The following ZC3H12C variants were observed in gnomAD, a reference collection of about 807,000 sequenced individuals.
ZC3H12C encodes the protein zinc finger CCCH-type containing 12C, also known as probable ribonuclease ZC3H12C.
Under a neutral mutation model 76.3 loss-of-function variants are expected in ZC3H12C, and 20 were observed. That is an observed-to-expected ratio of 0.26 (90% CI 0.18 to 0.38). ZC3H12C has a LOEUF of 0.38. Among genes scored for constraint, ZC3H12C ranks in the 10% least tolerant of loss-of-function variants. The pLI is 1.00. For missense variants in ZC3H12C, 874 were observed against 1,086.5 expected (o/e 0.80, Z 2.75); for synonymous variants, 352 against 399.6 (o/e 0.88, Z 1.42).
At chr11:110,094,859 T>C (rs1407932266) in intron 1 of ZC3H12C, among the ~76,000 whole-genome samples, 1 of 152,242 alleles carries the variant, frequency 6.6e-6, no homozygotes, top group Non-Finnish European at 1.5e-5. Flanking sequence ...TACCCATAGT[T>C]CAAAATGTTT....
At position 110,153,843 on chromosome 11, in the gene ZC3H12C, T is replaced by A. The variant is rs137913000; in HGVS notation, c.913+785T>A. 3.7e-4 allele frequency among the ~76,000 whole-genome samples: 57 copies of A among 152,372 alleles called. No homozygotes were observed. In the East Asian group the frequency reaches 0.011, roughly 29 times the overall value. On this transcript the variant is annotated intron_variant, in intron 3 of 5. Transcript: ENST00000278590. ...AAGAAATGTATTTTGCATTATTTTG[T>A]AGTTTTTAAATGTATGAGTTTCAGG... is the stretch of plus-strand genomic sequence containing the variant.
chr11:110,115,385 C>G (rs1261078012), intron 1 of ZC3H12C, among the ~76,000 whole-genome samples: 1 of 152,188 alleles, frequency 6.6e-6, no homozygotes. Context: ...TCACTGCAGC[C>G]TCTGCCTCCC....
chr11:110,168,989 A>C lies in ZC3H12C; in HGVS notation c.*3252A>C, dbSNP rs1281613733. The C allele has an allele frequency of 2.0e-5, 3 of 152,008 alleles. No homozygotes were observed. Among genetic ancestry groups the C allele is most frequent in the Admixed American group, 2.0e-4 (3 of 15,232 alleles). The allele number at this position is 152,008 out of a possible 1,614,324, so 9.4% of individuals were successfully genotyped here. ...GGTATTAAAAACAGGGGTTGGGGGG[A>C]GTGCTTCTGATGGCTAACTTTTCTC... On this transcript the variant is annotated 3_prime_UTR_variant, in exon 6 of 6. Transcript: ENST00000278590.
intron 1 of ZC3H12C, among the ~76,000 whole-genome samples, chr11:110,129,988 C>CA (rs1337298777): frequency 6.6e-6 from 1 of 151,994 alleles, no homozygotes; most frequent in Non-Finnish European, 1.5e-5. Flanking sequence ...TTATACACTA[C>CA]AAAAAATCAT....
chr11:110,122,440 TA>T (rs201938831), intron 1 of ZC3H12C, among the ~76,000 whole-genome samples: 2 of 151,582 alleles, frequency 1.3e-5, no homozygotes, highest in Admixed American at 1.3e-4. Context: ...CTTCTGCTTT[TA>T]AAAAAAAATC....
In ZC3H12C at chr11:110,115,748, CTTTTTTTTTTT is replaced by C. The variant is rs71476067; in HGVS notation, c.22-20906_22-20896del. Among the ~76,000 whole-genome samples the C allele has an allele frequency of 3.3e-5, 4 of 120,320 alleles. No homozygotes were observed. In the Admixed American group the frequency reaches 3.5e-4, roughly 11 times the overall value. The allele number at this position is 120,320 out of a possible 152,430, so 78.9% of individuals were successfully genotyped here. On this transcript the variant is annotated intron_variant, in intron 1 of 5. Coordinates refer to ENST00000278590, the MANE Select transcript of ZC3H12C (RefSeq NM_033390.2). ...CTACACTTAACTGTTTTCTCATTTT[CTTTTTTTTTTT>C]TTTTTTTTCTTTTTTGAGATGGAGT...
intron 1 of ZC3H12C, among the ~76,000 whole-genome samples, chr11:110,114,525 G>A (rs1861490229): frequency 6.6e-6 from 1 of 152,102 alleles, no homozygotes; most frequent in Admixed American, 6.5e-5. Flanking sequence ...CTCATAGTAG[G>A]CATTCAGATA....
At chr11:110,101,138 C>G (rs1415767025) in intron 1 of ZC3H12C, among the ~76,000 whole-genome samples, 1 of 152,200 alleles carries the variant, frequency 6.6e-6, no homozygotes, top group Non-Finnish European at 1.5e-5. Context: ...ACAACATTCC[C>G]TTAAGCCAAA....
Position 110,164,472 on chromosome 11 carries a change from G to A in ZC3H12C, c.1387G>A (p.Gly463Arg), listed in dbSNP as rs367840775. 17 of 1,613,878 alleles carry A rather than the reference G, an allele frequency of 1.1e-5. No homozygotes were observed. The African/African-American group carries it at 1.7e-4, about 16-fold the overall frequency. ...NTAAKTANEG[G>R]LVKSNSVPCS... ...GGCAGCCAAAACTGCAAACGAAGGA[G>A]GACTGGTGAAAAGCAACAGTGTTCC... The change falls in exon 6 of 6, where the codon GGA (glycine) becomes AGA (arginine). Residue 463 changes from glycine (G) to arginine (R), a missense_variant. Gly to Arg is a moderately radical substitution (Grantham distance 125). Transcript: ENST00000278590. This position sits in a 1 kb window ranked among gnomAD's most constrained non-coding sequence, Gnocchi z 5.7.
At chr11:110,132,167 C>T (rs1014907978) in intron 1 of ZC3H12C, among the ~76,000 whole-genome samples, 2 of 152,052 alleles carry the variant, frequency 1.3e-5, no homozygotes, top group Admixed American at 6.6e-5. Context: ...ACAAATAAGT[C>T]GGCTTAACAA....
In ZC3H12C at chr11:110,159,471, T is replaced by C; in HGVS notation, c.1129T>C (p.Tyr377His). Residue 377 changes from tyrosine (Y) to histidine (H), a missense_variant, in exon 4 of 6, where the codon TAT becomes CAT. Transcript: ENST00000278590. Reference sequence around the variant, plus strand: ...GTTCATAGATGAACGATTATTAATGTATTCATTTGTCAATGACAAGTAAGT... The same window carrying C: ...GTTCATAGATGAACGATTATTAATGCATTCATTTGTCAATGACAAGTAAGT... Reference protein sequence around the residue: ...KKFIDERLLMYSFVNDKFMPP... With the variant: ...KKFIDERLLMHSFVNDKFMPP... 1 of 1,609,130 alleles carries C rather than the reference T, an allele frequency of 6.2e-7. No homozygotes were observed. The highest frequency in any genetic ancestry group is 8.5e-7 in the Non-Finnish European group (1 of 1,177,388).
Position 110,167,896 on chromosome 11 carries a change from T to A in ZC3H12C, c.*2159T>A, listed in dbSNP as rs1862610039. 1 of 152,210 alleles carries A rather than the reference T, an allele frequency of 6.6e-6. No homozygotes were observed. Among genetic ancestry groups the A allele is most frequent in the Non-Finnish European group, 1.5e-5 (1 of 68,010 alleles). 9.4% of individuals were successfully genotyped at this position (152,210 alleles called of 1,614,324 possible). A position where few individuals can be genotyped will look rare whatever the true frequency, so the allele number is the denominator to read the frequency against. The stretch of plus-strand genomic sequence containing the variant: ...ATTGTTCTCCTTGATTTGGTCACTA[T>A]AAAGCAAGTTTAAATGTAGAGGCTA... On this transcript the variant is annotated 3_prime_UTR_variant, in exon 6 of 6. Coordinates refer to ENST00000278590, the MANE Select transcript of ZC3H12C (RefSeq NM_033390.2).
intron 2 of ZC3H12C, among the ~76,000 whole-genome samples, chr11:110,146,216 C>T (rs1862167545): frequency 1.3e-5 from 2 of 152,212 alleles, no homozygotes; most frequent in Middle Eastern, 3.4e-3. Context: ...TCTTGATCTC[C>T]TGACCTCATG....
At chr11:110,124,633 G>C (rs1861707621) in intron 1 of ZC3H12C, among the ~76,000 whole-genome samples, 1 of 152,200 alleles carries the variant, frequency 6.6e-6, no homozygotes, top group African/African-American at 2.4e-5. Flanking sequence ...ATAAGAACTG[G>C]ATAGGTGAGG....
At chr11:110,128,065 T>C (rs1024604574) in intron 1 of ZC3H12C, among the ~76,000 whole-genome samples, 6 of 151,702 alleles carry the variant, frequency 4.0e-5, no homozygotes, top group African/African-American at 1.2e-4. Flanking sequence ...AAGTTTCAAA[T>C]ATTAGACCCA....
At position 110,126,197 on chromosome 11, in the gene ZC3H12C, A is replaced by T. The variant is rs143838460; in HGVS notation, c.22-10466A>T. On this transcript the variant is annotated intron_variant, in intron 1 of 5. Transcript: ENST00000278590. ...ATTTCTTTTAGGATTTGAATAGGAA[A>T]AGTAGTTGTTGTTTTCTTCTTTTTT... 4.6e-5 allele frequency among the ~76,000 whole-genome samples: 7 copies of T among 151,352 alleles called. 1 individual carries two copies. In the East Asian group the frequency reaches 1.4e-3, roughly 30 times the overall value.
intron 1 of ZC3H12C, among the ~76,000 whole-genome samples, chr11:110,113,523 A>G (rs1452558527): frequency 1.3e-5 from 2 of 152,190 alleles, no homozygotes; most frequent in Non-Finnish European, 2.9e-5. Context: ...TTCTTTTGCA[A>G]TTCAATCCTA....
At position 110,169,741 on chromosome 11, in the gene ZC3H12C, G is replaced by A. The variant is rs1041688726; in HGVS notation, c.*4004G>A. ...TGCATTAGAATAAGAGAAAACAGTA[G>A]TGTTAATAAAAGTAAAGAAACATAC... On this transcript the variant is annotated 3_prime_UTR_variant, in exon 6 of 6. Transcript: ENST00000278590. 35 of 152,318 alleles carry A rather than the reference G, an allele frequency of 2.3e-4. No homozygotes were observed. The highest frequency in any genetic ancestry group is 7.8e-4 in the Admixed American group (12 of 15,298). 9.4% of individuals were successfully genotyped at this position (152,318 alleles called of 1,614,324 possible). A position where few individuals can be genotyped will look rare whatever the true frequency, so the allele number is the denominator to read the frequency against.
chr11:110,152,766 A>G (rs1217230852), intron 2 of ZC3H12C, among the ~76,000 whole-genome samples, 153 bp from the exon 3 acceptor site: 14 of 152,200 alleles, frequency 9.2e-5, no homozygotes, highest in African/African-American at 2.4e-5. Flanking sequence ...CAACTTAGTT[A>G]TCTCGATGTG....
Sources: gnomAD v4.1 joint callset for allele counts (sites outside exome capture counted in the v4.1 genomes callset) on GRCh38, gnomAD v4.1.1 for gene constraint, Gnocchi (gnomAD v3.1) non-coding constraint, MANE v1.5 for transcripts, NCBI Gene and HGNC (gene_info 2026-07-23, HGNC 2026-07-21) for gene names.